The following CDH20 variants were observed in gnomAD, a reference collection of about 807,000 sequenced individuals.
CDH20 encodes the protein cadherin 20.
In CDH20, 29 loss-of-function variants were observed where a neutral mutation model predicts 74.2. The ratio of observed to expected loss-of-function variants is 0.39; its 90% CI spans 0.29 to 0.53. The LOEUF is 0.53. Among genes scored for constraint, CDH20 ranks in the 20% least tolerant of loss-of-function variants. The pLI is 0.69. For synonymous variants in CDH20, 469 were observed against 405.4 expected, an observed-to-expected ratio of 1.16 and a Z score of -1.88; for missense variants, 988 against 1,048.3, an observed-to-expected ratio of 0.94 and a Z score of 0.79.
intron 1 of CDH20, among the ~76,000 whole-genome samples, chr18:61,421,113 G>A (rs1912862009): frequency 6.6e-6 from 1 of 152,170 alleles, no homozygotes; most frequent in African/African-American, 2.4e-5. Context: ...AGAGGGTCAT[G>A]ACCTTGCTCT....
chr18:61,392,949 CCCCAGTGGCAGGATCACTG>C (rs1911844362), intron 1 of CDH20, among the ~76,000 whole-genome samples: 1 of 152,152 alleles, frequency 6.6e-6, no homozygotes, highest in South Asian at 2.1e-4. Flanking sequence ...GCAGTCTCAT[CCCCAGTGGCAGGATCACTG>C]CCCAAGTCAA....
intron 1 of CDH20, among the ~76,000 whole-genome samples, chr18:61,439,893 G>T (rs538127674): frequency 2.1e-4 from 32 of 152,204 alleles, no homozygotes; most frequent in Non-Finnish European, 4.4e-4. Flanking sequence ...CTATTTCAAA[G>T]AATTTATGTT....
chr18:61,378,876 A>T (rs1261984233), intron 1 of CDH20, among the ~76,000 whole-genome samples: 1 of 152,198 alleles, frequency 6.6e-6, no homozygotes, highest in Non-Finnish European at 1.5e-5. Context: ...CTCTAAGCAC[A>T]ATTAATATGA....
In CDH20 at chr18:61,462,732, G is replaced by T. The variant is rs979165612; in HGVS notation, c.-152-27670G>T. ...ATCTTACAAAAAAAAAAAGGGGGGG[G>T]GGGCATCTAGGGCATGTCAATGGTG... On this transcript the variant is annotated intron_variant, in intron 1 of 11. Transcript: ENST00000262717. Among the ~76,000 whole-genome samples, 119 of 142,426 alleles carry T rather than the reference G, an allele frequency of 8.4e-4. 1 individual carries two copies. The highest frequency in any genetic ancestry group is 3.6e-3 in the Middle Eastern group (1 of 276). 93.4% of individuals were successfully genotyped at this position (142,426 alleles called of 152,430 possible). A position where few individuals can be genotyped will look rare whatever the true frequency, so the allele number is the denominator to read the frequency against.
chr18:61,341,237 C>G (rs1909938190), intron 1 of CDH20, among the ~76,000 whole-genome samples: 2 of 152,156 alleles, frequency 1.3e-5, no homozygotes. Flanking sequence ...AGTCCAAGAT[C>G]AAGGTGCCAG....
At chr18:61,377,912 T>C (rs1296648279) in intron 1 of CDH20, among the ~76,000 whole-genome samples, 2 of 152,118 alleles carry the variant, frequency 1.3e-5, no homozygotes, top group Admixed American at 6.6e-5. Context: ...ATGACTTATT[T>C]ACTTCACATT....
intron 1 of CDH20, among the ~76,000 whole-genome samples, chr18:61,370,002 C>T (rs1910980988): frequency 6.6e-6 from 1 of 152,114 alleles, no homozygotes; most frequent in Admixed American, 6.6e-5. Flanking sequence ...ATCTGTACAA[C>T]AAAGCCCCAT....
Position 61,549,961 on chromosome 18 carries a change from A to AC in CDH20, c.1649-13dup. The stretch of plus-strand genomic sequence containing the variant: ...TCACCTTCCCTTTTCCAATCCTGGA[A>AC]CCCCTCCTTCTTTCAGATAACACAG... On this transcript the variant is annotated splice_polypyrimidine_tract_variant and intron_variant, in intron 10 of 11. Coordinates refer to ENST00000262717, the MANE Select transcript of CDH20 (RefSeq NM_031891.4). The AC allele has an allele frequency of 6.2e-7, 1 of 1,603,148 alleles. No individual in the cohort carries two copies. Among genetic ancestry groups the AC allele is most frequent in the Non-Finnish European group, 8.5e-7 (1 of 1,171,650 alleles).
intron 1 of CDH20, among the ~76,000 whole-genome samples, chr18:61,449,824 G>C (rs1031184714): frequency 1.3e-5 from 2 of 151,686 alleles, no homozygotes; most frequent in African/African-American, 4.8e-5. Flanking sequence ...CAGGGAGGGG[G>C]TATTTTCTTT....
chr18:61,471,381 T>C (rs182336880), intron 1 of CDH20, among the ~76,000 whole-genome samples: 4 of 152,324 alleles, frequency 2.6e-5, no homozygotes, highest in Admixed American at 2.6e-4. Flanking sequence ...GTCCGTGACA[T>C]ACCAGAAATT....
intron 1 of CDH20, among the ~76,000 whole-genome samples, chr18:61,375,994 TA>T (rs1401040537): frequency 3.9e-5 from 6 of 152,136 alleles, no homozygotes; most frequent in Non-Finnish European, 5.9e-5. Flanking sequence ...ACATTTAAAA[TA>T]ACACCTAATA....
intron 1 of CDH20, among the ~76,000 whole-genome samples, chr18:61,484,197 T>C (rs999949815): frequency 6.6e-6 from 1 of 152,218 alleles, no homozygotes; most frequent in African/African-American, 2.4e-5. Flanking sequence ...GAGCACAGAT[T>C]TAATGCAATT....
At chr18:61,470,400 G>A (rs568313820) in intron 1 of CDH20, among the ~76,000 whole-genome samples, 32 of 152,300 alleles carry the variant, frequency 2.1e-4, no homozygotes, top group African/African-American at 7.0e-4. Context: ...CGATAAGCCT[G>A]AGCTCAATTT....
chr18:61,441,574 G>A (rs570112392), intron 1 of CDH20, among the ~76,000 whole-genome samples: 1 of 152,176 alleles, frequency 6.6e-6, no homozygotes, highest in South Asian at 2.1e-4. Context: ...AAGATAGTAA[G>A]ACAAAGAAAA....
At chr18:61,495,088 T>C (rs1911088913) in intron 2 of CDH20, among the ~76,000 whole-genome samples, 1 of 152,162 alleles carries the variant, frequency 6.6e-6, no homozygotes, top group Admixed American at 6.5e-5. Flanking sequence ...AAAATATTTT[T>C]TTAGGAAGGA....
intron 1 of CDH20, among the ~76,000 whole-genome samples, chr18:61,425,671 A>C (rs2144283801): frequency 6.6e-6 from 1 of 152,320 alleles, no homozygotes; most frequent in East Asian, 1.9e-4. Context: ...GAAAAGCATA[A>C]GAATTATATA....
intron 1 of CDH20, among the ~76,000 whole-genome samples, chr18:61,406,733 A>C (rs1912342005): frequency 6.6e-6 from 1 of 152,192 alleles, no homozygotes; most frequent in South Asian, 2.1e-4. Flanking sequence ...GAGGTGGAGG[A>C]AAGCGGAGGA....
chr18:61,433,366 G>A (rs1199537350), intron 1 of CDH20, among the ~76,000 whole-genome samples: 2 of 152,062 alleles, frequency 1.3e-5, no homozygotes, highest in Admixed American at 1.3e-4. Context: ...ATCATTTTTG[G>A]TGTTTATTTC....
intron 1 of CDH20, among the ~76,000 whole-genome samples, chr18:61,337,102 C>A (rs1046358216): frequency 2.0e-5 from 3 of 151,978 alleles, no homozygotes; most frequent in Non-Finnish European, 4.4e-5. Context: ...TGCAGGGTGG[C>A]GAAAATAAGA....
Sources: gnomAD v4.1 joint callset for allele counts (sites outside exome capture counted in the v4.1 genomes callset) on GRCh38, gnomAD v4.1.1 for gene constraint, MANE v1.5 for transcripts, NCBI Gene and HGNC (gene_info 2026-07-23, HGNC 2026-07-21) for gene names.